Variants in SZT2 observed in about 807,000 individuals in gnomAD.
SZT2 encodes the protein SZT2 subunit of KICSTOR complex, also known as KICSTOR complex protein SZT2.
A neutral mutation model predicts 404.2 loss-of-function variants in SZT2; 216 were observed. That is an observed-to-expected ratio of 0.53 (90% CI 0.48 to 0.60). SZT2 has a LOEUF of 0.60. Ranked by LOEUF, SZT2 falls within the 20% of genes least tolerant of loss-of-function variation. The pLI, the probability that SZT2 is intolerant of heterozygous loss-of-function variation, is 0.00. For synonymous variants in SZT2, 1,693 were observed against 1,749.9 expected (o/e 0.97, Z 0.81); for missense variants, 3,857 against 4,459.2 (o/e 0.86, Z 3.85).
rs754341819 is a variant in SZT2 at position 43,438,883 on chromosome 1, C to T, written c.6628-46C>T. ...GCCACAGGTTCCAGGACAGTCTAGG[C>T]TGGAACTTCTGCATTCAGCTCTGCC... On this transcript the variant is annotated intron_variant, in intron 47 of 71. Coordinates refer to ENST00000634258, the MANE Select transcript of SZT2 (RefSeq NM_001365999.1). The T allele has an allele frequency of 3.1e-6, 5 of 1,613,368 alleles. No homozygotes were observed. The Admixed American group carries it at 8.3e-5, about 27-fold the overall frequency.
At position 43,433,096 on chromosome 1, in the gene SZT2, C is replaced by A; in HGVS notation, c.5710C>A (p.Pro1904Thr). 6.2e-7 allele frequency: 1 copy of A among 1,614,186 alleles called. No homozygotes were observed. Among genetic ancestry groups the A allele is most frequent in the Non-Finnish European group, 8.5e-7 (1 of 1,180,028 alleles). The change falls in exon 40 of 72, where the codon CCT becomes ACT. Residue 1904 changes from proline (P) to threonine (T), a missense_variant. This residue lies in a region of SZT2 where 1,725 missense variants were observed against 1,881.0 expected (regional missense o/e 0.92). Coordinates refer to ENST00000634258, the MANE Select transcript of SZT2 (RefSeq NM_001365999.1). ...TCCACCTGGGCCAGCACCTCCACAGCCTTCACTCTCAGGCCTCCCTGGGCC... is the reference window on the plus strand; with the variant it reads ...TCCACCTGGGCCAGCACCTCCACAGACTTCACTCTCAGGCCTCCCTGGGCC... ...RTPPGPAPPQ[P>T]SLSGLPGPCL... is the part of the protein sequence containing the mutation.
At chr1:43,416,947 GA>G (rs1336586724) in intron 7 of SZT2, among the ~76,000 whole-genome samples, 4 of 152,188 alleles carry the variant, frequency 2.6e-5, no homozygotes, top group African/African-American at 9.7e-5. Flanking sequence ...GCAAGGGTCA[GA>G]AAACCCCGCT....
intron 10 of SZT2, 91 bp from the exon 11 acceptor site, chr1:43,421,083 C>T: frequency 3.1e-6 from 5 of 1,595,198 alleles, no homozygotes; most frequent in Middle Eastern, 1.7e-4. Context: ...GAGAACCAGG[C>T]TTATATCCAG....
chr1:43,438,060 C>T, intron 46 of SZT2, 158 bp downstream of exon 46: 1 of 704,654 alleles, frequency 1.4e-6, no homozygotes, highest in Non-Finnish European at 2.4e-6. Context: ...TAGCTGGAGG[C>T]TCCAGACCCT....
Position 43,452,506 on chromosome 1 carries a change from C to A in SZT2, c.*2026C>A. ...GTGATGGCTGAGGGGCAAGCCCTTT[C>A]CCAGACATCTCAGTGTCCACCCACC... On this transcript the variant is annotated 3_prime_UTR_variant, in exon 72 of 72. Coordinates refer to ENST00000634258, the MANE Select transcript of SZT2 (RefSeq NM_001365999.1). 1 of 685,006 alleles carries A rather than the reference C, an allele frequency of 1.5e-6. No homozygotes were observed. Among genetic ancestry groups the A allele is most frequent in the Non-Finnish European group, 2.7e-6 (1 of 369,866 alleles). 42.4% of individuals were successfully genotyped at this position (685,006 alleles called of 1,614,324 possible).
chr1:43,403,139 C>T (rs1164100977), intron 1 of SZT2, 38 bp from the exon 2 acceptor site: 1 of 1,609,204 alleles, frequency 6.2e-7, no homozygotes, highest in Non-Finnish European at 8.5e-7. Context: ...TACTCGGTGC[C>T]ATTTTTTAAA....
At position 43,426,768 on chromosome 1, in the gene SZT2, G is replaced by A. The variant is rs1409656203; in HGVS notation, c.3268G>A (p.Gly1090Ser). ...TGGGATCCCGAAGGAGCAAGCAGTC[G>A]GCAGCACCCAGGCCACAGGAGACTC... ...VHGIPKEQAV[G>S]STQATGDSAF... The change falls in exon 23 of 72, where the codon GGC becomes AGC. Residue 1090 changes from glycine (G) to serine (S), a missense_variant. Physicochemically the swap from Gly to Ser is moderately conservative, Grantham distance 56. Transcript: ENST00000634258. This position sits in a 1 kb window ranked among gnomAD's most constrained non-coding sequence, Gnocchi z 4.9. The A allele has an allele frequency of 7.4e-6, 12 of 1,613,652 alleles. No individual in the cohort carries two copies. The highest frequency in any genetic ancestry group is 4.5e-5 in the East Asian group (2 of 44,874).
Position 43,448,389 on chromosome 1 carries a change from C to A in SZT2, c.9874C>A (p.Arg3292=). The A allele has an allele frequency of 6.4e-7, 1 of 1,567,596 alleles. No individual in the cohort carries two copies. Among genetic ancestry groups the A allele is most frequent in the South Asian group, 1.2e-5 (1 of 86,472 alleles). Residue 3292 remains arginine, a synonymous_variant, in exon 69 of 72, where the codon CGA becomes AGA. Coordinates refer to ENST00000634258, the MANE Select transcript of SZT2 (RefSeq NM_001365999.1). This position sits in a 1 kb window ranked among gnomAD's most constrained non-coding sequence, Gnocchi z 4.2. ...LFLLEPPGPD[R]LRLGGRLALA... The stretch of plus-strand genomic sequence containing the variant: ...CTTGCTGGAGCCACCGGGGCCTGAT[C>A]GACTGCGGCTAGGGGGGCGCCTGGC...
At chr1:43,433,242 C>G in intron 40 of SZT2, 52 bp downstream of exon 40, 1 of 1,576,890 alleles carries the variant, frequency 6.3e-7, no homozygotes, top group South Asian at 1.1e-5. Context: ...CCTCTTCTCT[C>G]TGCTCCCACA....
rs1191910410 is a variant in SZT2 at position 43,441,647 on chromosome 1, T to G, written c.7610-39T>G. The G allele has an allele frequency of 6.8e-6, 11 of 1,614,004 alleles. No homozygotes were observed. Among genetic ancestry groups the G allele is most frequent in the Middle Eastern group, 3.3e-4 (2 of 6,062 alleles). On this transcript the variant is annotated intron_variant, in intron 54 of 71. Coordinates refer to ENST00000634258, the MANE Select transcript of SZT2 (RefSeq NM_001365999.1). The surrounding 1 kb of genome is among the most constrained non-coding windows in gnomAD (Gnocchi z 4.8). ...CCCATCCCTCAACCCCAGCCTGGTC[T>G]CCATCCTGCAGCTCCACAGTGACTC...
At chr1:43,415,336 A>G (rs1651576844) in intron 5 of SZT2, 123 bp downstream of exon 5, 1 of 1,188,084 alleles carries the variant, frequency 8.4e-7, no homozygotes, top group African/African-American at 1.5e-5. Context: ...AAAATGAGAC[A>G]AGGATAGGCA....
In SZT2 at chr1:43,431,623, A is replaced by T. The variant is rs180901695; in HGVS notation, c.5089-93A>T. 6.2e-6 allele frequency: 10 copies of T among 1,600,070 alleles called. No individual in the cohort carries two copies. The East Asian group carries it at 2.2e-4, about 36-fold the overall frequency. On this transcript the variant is annotated intron_variant, in intron 35 of 71. Transcript: ENST00000634258. ...CTGGGATAGAAGTGAGGCCTCTCTC[A>T]GTCTGTGAGGCAAATTATCTTCTAG... is the stretch of plus-strand genomic sequence containing the variant.
rs760581304 is a variant in SZT2, at chr1:43,426,795, G to T, written c.3295G>T (p.Ala1099Ser). 2.0e-5 allele frequency: 32 copies of T among 1,613,522 alleles called. No individual in the cohort carries two copies. In the South Asian group the frequency reaches 3.4e-4, roughly 17 times the overall value. Residue 1099 changes from alanine (A) to serine (S), a missense_variant, in exon 23 of 72, where the codon GCT becomes TCT. By Grantham distance (99) the Ala-to-Ser change is moderately conservative. Around this residue, in one of 7 missense-constraint regions of SZT2, gnomAD observed 1,725 missense variants for 1,881.0 expected, o/e 0.92. Transcript: ENST00000634258. This position sits in a 1 kb window ranked among gnomAD's most constrained non-coding sequence, Gnocchi z 4.9. ...CAGCACCCAGGCCACAGGAGACTCC[G>T]CTTTTACTTCCCTGGTCAGCACCGA... ...VGSTQATGDSAFTSLSVGLPE... is the reference protein window; with the variant it reads ...VGSTQATGDSSFTSLSVGLPE...
Position 43,450,575 on chromosome 1 carries a change from C to T in SZT2, c.*95C>T. The stretch of plus-strand genomic sequence containing the variant: ...CAGGACTGACCAGCCCTTCTGGGCC[C>T]CAGGGCAAGCCAGACACTGAGTGAC... On this transcript the variant is annotated 3_prime_UTR_variant, in exon 72 of 72. Transcript: ENST00000634258. The surrounding 1 kb of genome is among the most constrained non-coding windows in gnomAD (Gnocchi z 4.3). 1.3e-6 allele frequency: 2 copies of T among 1,528,000 alleles called. No homozygotes were observed. The highest frequency in any genetic ancestry group is 1.8e-6 in the Non-Finnish European group (2 of 1,121,696). 94.7% of individuals were successfully genotyped at this position (1,528,000 alleles called of 1,614,324 possible).
At chr1:43,431,166 G>C in intron 33 of SZT2, 76 bp downstream of exon 33, 1 of 1,576,700 alleles carries the variant, frequency 6.3e-7, no homozygotes, top group Non-Finnish European at 8.6e-7. Context: ...TAGAGCACTT[G>C]GGGACTAAGG....
rs1655071466 is a variant in SZT2, at chr1:43,441,644, G to T, written c.7610-42G>T. 6.2e-7 allele frequency: 1 copy of T among 1,613,842 alleles called. No individual in the cohort carries two copies. Among genetic ancestry groups the T allele is most frequent in the African/African-American group, 1.3e-5 (1 of 74,892 alleles). The stretch of plus-strand genomic sequence containing the variant: ...CCTCCCATCCCTCAACCCCAGCCTG[G>T]TCTCCATCCTGCAGCTCCACAGTGA... On this transcript the variant is annotated intron_variant, in intron 54 of 71. Transcript: ENST00000634258. The surrounding 1 kb of genome is among the most constrained non-coding windows in gnomAD (Gnocchi z 4.8).
intron 7 of SZT2, among the ~76,000 whole-genome samples, chr1:43,419,258 G>A (rs1652059301): frequency 6.6e-6 from 1 of 152,234 alleles, no homozygotes; most frequent in Non-Finnish European, 1.5e-5. Context: ...TATGTAGTTT[G>A]CTAATTTCCC....
At position 43,421,002 on chromosome 1, in the gene SZT2, C is replaced by T. The variant is rs770870042; in HGVS notation, c.1496+19C>T. ...TGCAGAGGTCAGTGAAGTCATCACT[C>T]AATGAGTGCTGCCCCATTTGTTGTA... is the stretch of plus-strand genomic sequence containing the variant. On this transcript the variant is annotated intron_variant, in intron 10 of 71. Transcript: ENST00000634258. 2.5e-6 allele frequency: 4 copies of T among 1,597,200 alleles called. No homozygotes were observed. In the East Asian group the frequency reaches 6.7e-5, roughly 27 times the overall value.
intron 7 of SZT2, 47 bp from the exon 8 acceptor site, chr1:43,419,684 TCTC>T (rs1253449852): frequency 6.8e-7 from 1 of 1,477,226 alleles, no homozygotes; most frequent in Non-Finnish European, 9.2e-7. Context: ...TGTTCTTCCT[TCTC>T]CTATGCCTCT....
Sources: allele counts gnomAD v4.1 joint callset (sites outside exome capture counted in the v4.1 genomes callset), GRCh38; gene constraint gnomAD v4.1.1; regional missense constraint gnomAD v4.1.1; non-coding constraint Gnocchi (gnomAD v3.1); transcripts MANE v1.5; gene names NCBI Gene and HGNC (gene_info 2026-07-23, HGNC 2026-07-21).